The following POMT2 variants were observed in gnomAD, a reference collection of about 807,000 sequenced individuals.
The protein encoded by POMT2 is protein O-mannosyl-transferase 2.
Under a neutral mutation model 100.0 loss-of-function variants are expected in POMT2, and 75 were observed. The observed-to-expected ratio is 0.75, with a 90% CI of 0.62 to 0.91. The LOEUF is 0.91. Among genes scored for constraint, POMT2 ranks in the 40% least tolerant of loss-of-function variants. The pLI is 0.00. For synonymous variants in POMT2, 378 were observed against 374.1 expected (o/e 1.01, Z -0.12); for missense variants, 940 against 955.1 (o/e 0.98, Z 0.21).
In POMT2 at chr14:77,286,831, T is replaced by C. The variant is rs1594890973; in HGVS notation, c.1254-9A>G. On this transcript the variant is annotated splice_polypyrimidine_tract_variant and intron_variant, in intron 11 of 20. Transcript: ENST00000261534. The stretch of plus-strand genomic sequence containing the variant: ...GCAAGTTCCGGGAAGTTCTAGAAGT[T>C]AGAAAAGAGAAGTGTCATTATCCTA... The C allele has an allele frequency of 1.2e-6, 2 of 1,614,194 alleles. No individual in the cohort carries two copies. Among genetic ancestry groups the C allele is most frequent in the Non-Finnish European group, 1.7e-6 (2 of 1,180,032 alleles).
chr14:77,311,096 G>C (rs1341780875), intron 2 of POMT2, among the ~76,000 whole-genome samples: 1 of 152,232 alleles, frequency 6.6e-6, no homozygotes, highest in Non-Finnish European at 1.5e-5. Flanking sequence ...TTGTACCATT[G>C]CAGTCCAGCC....
At position 77,280,504 on chromosome 14, in the gene POMT2, C is replaced by G. The variant is rs71413457; in HGVS notation, c.1654-41G>C. The G allele has an allele frequency of 0.02, 32,756 of 1,613,826 alleles. 407 individuals carry two copies. Among genetic ancestry groups the G allele is most frequent in the Non-Finnish European group, 0.023 (27,660 of 1,179,990 alleles). On this transcript the variant is annotated intron_variant, in intron 15 of 20. Transcript: ENST00000261534. ...AAAGAAAGCTAGTCAAGACAGAGAT[C>G]TAGAGGGCTGACAGAAATGTGGGGC... is the stretch of plus-strand genomic sequence containing the variant.
chr14:77,297,110 A>T lies in POMT2; in HGVS notation c.1007-837T>A, dbSNP rs75815956. ...CAAGGATTAAAGAGAGGACGACTTG[A>T]TCGAAGAGGTGACAGCTGAACTAGG... On this transcript the variant is annotated intron_variant, in intron 8 of 20. Transcript: ENST00000261534. 1.2e-3 allele frequency among the ~76,000 whole-genome samples: 188 copies of T among 152,356 alleles called. 3 individuals carry two copies. In the East Asian group the frequency reaches 0.032, roughly 26 times the overall value.
chr14:77,299,566 A>G lies in POMT2; in HGVS notation c.817-5T>C. On this transcript the variant is annotated splice_polypyrimidine_tract_variant and splice_region_variant and intron_variant, in intron 6 of 20. Coordinates refer to ENST00000261534, the MANE Select transcript of POMT2 (RefSeq NM_013382.7). Reference sequence around the variant, plus strand: ...CAGGTGTTTTCCCACAGTCACCTGCAAACAGAGGCCAGCGTGGGGTGCTAG... The same window carrying G: ...CAGGTGTTTTCCCACAGTCACCTGCGAACAGAGGCCAGCGTGGGGTGCTAG... 1 of 1,613,378 alleles carries G rather than the reference A, an allele frequency of 6.2e-7. No homozygotes were observed.
intron 1 of POMT2, among the ~76,000 whole-genome samples, chr14:77,313,914 G>A (rs1044323615): frequency 6.6e-6 from 1 of 152,082 alleles, no homozygotes; most frequent in African/African-American, 2.4e-5. Flanking sequence ...CACCATGTTG[G>A]CCAGGCTGGT....
chr14:77,309,727 G>T (rs896446631), intron 2 of POMT2, among the ~76,000 whole-genome samples: 1 of 152,016 alleles, frequency 6.6e-6, no homozygotes, highest in African/African-American at 2.4e-5. Flanking sequence ...CAGTCGCCCA[G>T]GCTGGAGTGC....
rs1417873629 is a variant in POMT2 at position 77,279,866 on chromosome 14, A to G, written c.1848T>C (p.Ala616=). Residue 616 remains alanine, a synonymous_variant, in exon 18 of 21, where the codon GCT becomes GCC. Transcript: ENST00000261534. Reference sequence around the variant, plus strand: ...GCCGTGCCCCTCTCTGCATGGCTACAGCAATGATGCTCCCTGAGAGGAGGT... The same window carrying G: ...GCCGTGCCCCTCTCTGCATGGCTACGGCAATGATGCTCCCTGAGAGGAGGT... ...ALYLLSGSII[A]VAMQRGARLP... 6.2e-7 allele frequency: 1 copy of G among 1,614,026 alleles called. No homozygotes were observed. The highest frequency in any genetic ancestry group is 1.7e-5 in the Admixed American group (1 of 60,026).
intron 2 of POMT2, among the ~76,000 whole-genome samples, chr14:77,308,363 T>G (rs1566660024): frequency 6.7e-6 from 1 of 149,690 alleles, no homozygotes; most frequent in African/African-American, 2.5e-5. Flanking sequence ...TTTGTTTTTT[T>G]TTTTTTTTTG....
intron 9 of POMT2, among the ~76,000 whole-genome samples, chr14:77,294,385 A>G (rs954446751): frequency 6.6e-6 from 1 of 152,142 alleles, no homozygotes; most frequent in Non-Finnish European, 1.5e-5. Flanking sequence ...ACAGTGGCGC[A>G]ATCTCAGTTC....
chr14:77,291,759 G>A (rs1890649286), intron 9 of POMT2, among the ~76,000 whole-genome samples: 2 of 152,232 alleles, frequency 1.3e-5, no homozygotes, highest in Admixed American at 6.5e-5. Context: ...AAGGCCGGGT[G>A]TGGTGGCTCA....
In POMT2 at chr14:77,275,634, C is replaced by G. The variant is rs12894594; in HGVS notation, c.*1742G>C. 6.6e-6 allele frequency: 1 copy of G among 152,152 alleles called. No individual in the cohort carries two copies. Among genetic ancestry groups the G allele is most frequent in the Admixed American group, 6.5e-5 (1 of 15,272 alleles). 9.4% of individuals were successfully genotyped at this position (152,152 alleles called of 1,614,324 possible). A position where few individuals can be genotyped will look rare whatever the true frequency, so the allele number is the denominator to read the frequency against. On this transcript the variant is annotated 3_prime_UTR_variant, in exon 21 of 21. Coordinates refer to ENST00000261534, the MANE Select transcript of POMT2 (RefSeq NM_013382.7). ...GGAAGGGAGGGGAGGGGAGGACACA[C>G]GGTGAGGTGGAAGCAGCGAGCAGAG...
chr14:77,316,665 A>T (rs1207801896), intron 1 of POMT2, among the ~76,000 whole-genome samples: 1 of 151,972 alleles, frequency 6.6e-6, no homozygotes, highest in Non-Finnish European at 1.5e-5. Context: ...TGGGAGAAAC[A>T]ACCTTCTCTG....
intron 8 of POMT2, among the ~76,000 whole-genome samples, chr14:77,298,233 C>T (rs1890898503): frequency 6.6e-6 from 1 of 152,232 alleles, no homozygotes; most frequent in Non-Finnish European, 1.5e-5. Flanking sequence ...ATCCCCAGAG[C>T]TGTGCTCCCT....
At chr14:77,306,139 A>G (rs2139499947) in intron 3 of POMT2, 198 bp downstream of exon 3, 1 of 818,874 alleles carries the variant, frequency 1.2e-6, no homozygotes, top group Non-Finnish European at 1.9e-6. Context: ...TATTATTTGC[A>G]GCCTCCTCTT....
intron 9 of POMT2, among the ~76,000 whole-genome samples, chr14:77,295,952 C>A (rs866636465): frequency 7.2e-5 from 11 of 152,068 alleles, no homozygotes; most frequent in African/African-American, 2.7e-4. Context: ...CCCCACCCAG[C>A]ACCATGGAGA....
Position 77,276,912 on chromosome 14 carries a change from G to T in POMT2, c.*464C>A, listed in dbSNP as rs1472206487. The T allele has an allele frequency of 5.5e-6, 1 of 182,280 alleles. No homozygotes were observed. The highest frequency in any genetic ancestry group is 1.2e-5 in the Non-Finnish European group (1 of 84,380). 11.3% of individuals were successfully genotyped at this position (182,280 alleles called of 1,614,324 possible). A position where few individuals can be genotyped will look rare whatever the true frequency, so the allele number is the denominator to read the frequency against. On this transcript the variant is annotated 3_prime_UTR_variant, in exon 21 of 21. Transcript: ENST00000261534. ...CTCTGCCCTCAAGGCCCTCTCAGAGGTCTGAGAATTTTTGATGGATCTTAC... is the reference window on the plus strand; with the variant it reads ...CTCTGCCCTCAAGGCCCTCTCAGAGTTCTGAGAATTTTTGATGGATCTTAC...
intron 1 of POMT2, 172 bp downstream of exon 1, chr14:77,320,262 C>G (rs1044526236): frequency 1.2e-5 from 13 of 1,102,264 alleles, no homozygotes; most frequent in Non-Finnish European, 1.6e-5. Flanking sequence ...CAAAACGATC[C>G]CCCTCCCAGA....
chr14:77,318,993 C>T (rs577425246), intron 1 of POMT2, among the ~76,000 whole-genome samples: 1 of 152,316 alleles, frequency 6.6e-6, no homozygotes, highest in East Asian at 1.9e-4. Context: ...GCCTCGGCCT[C>T]CCAAACTGCC....
chr14:77,320,427 C>A lies in POMT2; in HGVS notation c.248+7G>T, dbSNP rs755275524. On this transcript the variant is annotated splice_region_variant and intron_variant, in intron 1 of 20. Transcript: ENST00000261534. Reference sequence around the variant, plus strand: ...ATGGTGCCCGCCGAGTCCCTCCCATCACTCACCAGATGTGCGGCGGCTCGT... The same window carrying A: ...ATGGTGCCCGCCGAGTCCCTCCCATAACTCACCAGATGTGCGGCGGCTCGT... The A allele has an allele frequency of 1.3e-6, 2 of 1,546,570 alleles. No individual in the cohort carries two copies. The highest frequency in any genetic ancestry group is 1.2e-5 in the South Asian group (1 of 84,076).
Sources: allele counts gnomAD v4.1 joint callset (sites outside exome capture counted in the v4.1 genomes callset), GRCh38; gene constraint gnomAD v4.1.1; transcripts MANE v1.5; gene names NCBI Gene and HGNC (gene_info 2026-07-23, HGNC 2026-07-21).